The following PHF3 variants were observed in gnomAD, a reference collection of about 807,000 sequenced individuals.
PHF3 encodes the protein PHD finger protein 3.
Under a neutral mutation model 178.4 loss-of-function variants are expected in PHF3, and 41 were observed. The observed-to-expected ratio is 0.23, with a 90% CI of 0.18 to 0.30. PHF3 has a LOEUF of 0.30. Among genes scored for constraint, PHF3 ranks in the 10% least tolerant of loss-of-function variants. The pLI, the probability that PHF3 is intolerant of heterozygous loss-of-function variation, is 1.00. For synonymous variants in PHF3, 842 were observed against 800.5 expected (o/e 1.05, Z -0.88); for missense variants, 2,346 against 2,398.1 (o/e 0.98, Z 0.45).
rs1272680497 is a variant in PHF3 at position 63,725,123 on chromosome 6, A to G, written c.*11415A>G. On this transcript the variant is annotated 3_prime_UTR_variant, in exon 16 of 16. Coordinates refer to ENST00000262043, the MANE Select transcript of PHF3 (RefSeq NM_001370348.2). ...GAACTTATATTTTTAATATTTAAAA[A>G]TTTTCATGATTTTCTTATATAAGTG... is the stretch of plus-strand genomic sequence containing the variant. 6.6e-6 allele frequency among the ~76,000 whole-genome samples: 1 copy of G among 152,114 alleles called. No homozygotes were observed. The highest frequency in any genetic ancestry group is 1.5e-5 in the Non-Finnish European group (1 of 67,956).
intron 2 of PHF3, among the ~76,000 whole-genome samples, chr6:63,673,320 C>A (rs1466929543): frequency 2.0e-5 from 3 of 151,838 alleles, no homozygotes; most frequent in African/African-American, 7.3e-5. Flanking sequence ...TCCAGTGTTG[C>A]AGAAAAAATA....
chr6:63,647,100 A>G (rs928108045), intron 2 of PHF3, among the ~76,000 whole-genome samples: 3 of 151,892 alleles, frequency 2.0e-5, no homozygotes, highest in Non-Finnish European at 4.4e-5. Context: ...TACTTTAATA[A>G]TTACATCATG....
In PHF3 at chr6:63,724,296, T is replaced by A. The variant is rs943682651; in HGVS notation, c.*10588T>A. Among the ~76,000 whole-genome samples the A allele has an allele frequency of 6.6e-6, 1 of 152,202 alleles. No individual in the cohort carries two copies. Among genetic ancestry groups the A allele is most frequent in the Non-Finnish European group, 1.5e-5 (1 of 68,028 alleles). Reference sequence around the variant, plus strand: ...TCTGCTATCCCACCGTGCTTTATTATAGATAAGAGAAACCTTGTAGGACCT... The same window carrying A: ...TCTGCTATCCCACCGTGCTTTATTAAAGATAAGAGAAACCTTGTAGGACCT... On this transcript the variant is annotated 3_prime_UTR_variant, in exon 16 of 16. Transcript: ENST00000262043.
chr6:63,707,814 A>G (rs1233819131), intron 13 of PHF3, among the ~76,000 whole-genome samples: 1 of 150,830 alleles, frequency 6.6e-6, no homozygotes, highest in Non-Finnish European at 1.5e-5. Flanking sequence ...TGTTTATGTA[A>G]TATTGATCAG....
intron 2 of PHF3, among the ~76,000 whole-genome samples, chr6:63,665,403 G>A (rs766976776): frequency 6.6e-6 from 1 of 151,142 alleles, no homozygotes; most frequent in Non-Finnish European, 1.5e-5. Context: ...ATGAATTAAT[G>A]GATAATTTTT....
chr6:63,655,641 A>AT (rs1234540403), intron 2 of PHF3, among the ~76,000 whole-genome samples: 6 of 152,180 alleles, frequency 3.9e-5, no homozygotes, highest in African/African-American at 1.4e-4. Flanking sequence ...GGCTTTATGT[A>AT]TTTCATAGCT....
chr6:63,657,211 T>A (rs1414768989), intron 2 of PHF3, among the ~76,000 whole-genome samples: 2 of 152,234 alleles, frequency 1.3e-5, no homozygotes, highest in Admixed American at 6.5e-5. Context: ...TTGACAAATA[T>A]TTTACTGTTG....
intron 13 of PHF3, 60 bp from the exon 14 acceptor site, chr6:63,709,091 T>G (rs1186378933): frequency 1.2e-6 from 1 of 825,902 alleles, no homozygotes; most frequent in Non-Finnish European, 1.9e-6. Flanking sequence ...TATGAATTAC[T>G]AATGTCATAA....
chr6:63,706,871 A>G lies in PHF3; in HGVS notation c.3706A>G (p.Thr1236Ala). 1 of 1,613,678 alleles carries G rather than the reference A, an allele frequency of 6.2e-7. No individual in the cohort carries two copies. The highest frequency in any genetic ancestry group is 1.1e-5 in the South Asian group (1 of 90,958). ...AGTATCTGGCTCCCCAGAATACCTG[A>G]CAGAGGTACTGTGAACTTTTCTGCT... The part of the protein sequence containing the change: ...YPVSGSPEYL[T>A]EDLPDSIQVG... The change falls in exon 13 of 16, where the codon ACA becomes GCA. Residue 1236 changes from threonine (T) to alanine (A), a missense_variant. By Grantham distance (58) the Thr-to-Ala change is moderately conservative (BLOSUM62 0). This residue lies in a region of PHF3 where 205 missense variants were observed against 212.4 expected (regional missense o/e 0.97). Transcript: ENST00000262043.
intron 2 of PHF3, among the ~76,000 whole-genome samples, chr6:63,655,551 C>T (rs1765198083): frequency 6.6e-6 from 1 of 152,110 alleles, no homozygotes. Flanking sequence ...ACTAAATTAT[C>T]CATGAAACTG....
intron 2 of PHF3, among the ~76,000 whole-genome samples, chr6:63,665,468 G>T (rs1043161033): frequency 2.8e-5 from 4 of 143,274 alleles, no homozygotes; most frequent in Non-Finnish European, 6.1e-5. Context: ...TTACTGTTTC[G>T]CTTTGTGGTT....
Position 63,706,730 on chromosome 6 carries a change from C to A in PHF3, c.3565C>A (p.Pro1189Thr). The A allele has an allele frequency of 1.9e-6, 3 of 1,613,114 alleles. No homozygotes were observed. Among genetic ancestry groups the A allele is most frequent in the Non-Finnish European group, 2.5e-6 (3 of 1,179,480 alleles). The change falls in exon 13 of 16, where the codon CCA becomes ACA. Residue 1189 changes from proline (P) to threonine (T), a missense_variant and splice_region_variant. Coordinates refer to ENST00000262043, the MANE Select transcript of PHF3 (RefSeq NM_001370348.2). Reference protein sequence around the residue: ...PKSTFSPAPRPEMPGTVEVES... With the variant: ...PKSTFSPAPRTEMPGTVEVES... Reference sequence around the variant, plus strand: ...AGGCTTTTTAATGTCATTTTCTAGTCCAGAGATGCCTGGAACTGTTGAAGT... The same window carrying A: ...AGGCTTTTTAATGTCATTTTCTAGTACAGAGATGCCTGGAACTGTTGAAGT...
intron 3 of PHF3, among the ~76,000 whole-genome samples, chr6:63,681,590 T>G (rs912472675): frequency 6.6e-6 from 1 of 152,112 alleles, no homozygotes; most frequent in African/African-American, 2.4e-5. Context: ...TTAAATGTTC[T>G]TTTTGTTGTT....
Position 63,719,621 on chromosome 6 carries a change from T to C in PHF3, c.*5913T>C, listed in dbSNP as rs1768296885. ...TCAGTAACTGTTTTGGGAAAAATAATATTTTTTCAAGTTATGCTATCAACA... is the reference window on the plus strand; with the variant it reads ...TCAGTAACTGTTTTGGGAAAAATAACATTTTTTCAAGTTATGCTATCAACA... On this transcript the variant is annotated 3_prime_UTR_variant, in exon 16 of 16. Coordinates refer to ENST00000262043, the MANE Select transcript of PHF3 (RefSeq NM_001370348.2). 6.6e-6 allele frequency among the ~76,000 whole-genome samples: 1 copy of C among 152,126 alleles called. No homozygotes were observed.
chr6:63,685,562 G>A lies in PHF3; in HGVS notation c.1840G>A (p.Ala614Thr), dbSNP rs1258925520. ...PGCLKEPHHP[A>T]QTGHVSHSSQ... ...TTGCTTGAAAGAACCTCATCATCCT[G>A]CACAAACTGGACATGTATCACATTC... The change falls in exon 4 of 16, where the codon GCA becomes ACA. Residue 614 changes from alanine (A) to threonine (T), a missense_variant. Ala to Thr is a moderately conservative substitution (Grantham distance 58). This residue lies in a region of PHF3 where 843 missense variants were observed against 795.2 expected (regional missense o/e 1.06). Coordinates refer to ENST00000262043, the MANE Select transcript of PHF3 (RefSeq NM_001370348.2). 4 of 1,613,868 alleles carry A rather than the reference G, an allele frequency of 2.5e-6. No individual in the cohort carries two copies. Among genetic ancestry groups the A allele is most frequent in the Non-Finnish European group, 3.4e-6 (4 of 1,179,988 alleles).
In PHF3 at chr6:63,698,645, CCTGAGTACATAGGTAT is replaced by C. The variant is rs778155944; in HGVS notation, c.2982+43_2982+58del. On this transcript the variant is annotated intron_variant, in intron 8 of 15. Coordinates refer to ENST00000262043, the MANE Select transcript of PHF3 (RefSeq NM_001370348.2). ...TTCATATGTTTATGCTTCCAACTTT[CCTGAGTACATAGGTAT>C]CTCAGATTGTAATACAGTAGATCTA... The C allele has an allele frequency of 5.7e-6, 8 of 1,396,588 alleles. No homozygotes were observed. In the South Asian group the frequency reaches 1.2e-4, roughly 21 times the overall value. The allele number at this position is 1,396,588 out of a possible 1,614,324, so 86.5% of individuals were successfully genotyped here. A position where few individuals can be genotyped will look rare whatever the true frequency, so the allele number is the denominator to read the frequency against.
rs1034550496 is a variant in PHF3 at position 63,721,979 on chromosome 6, C to A, written c.*8271C>A. 6.6e-6 allele frequency among the ~76,000 whole-genome samples: 1 copy of A among 152,080 alleles called. No homozygotes were observed. The highest frequency in any genetic ancestry group is 1.5e-5 in the Non-Finnish European group (1 of 67,988). On this transcript the variant is annotated 3_prime_UTR_variant, in exon 16 of 16. Transcript: ENST00000262043. ...AAAATGCATATATCCTGTATTCTTT[C>A]ATTTTGTTCAGCAATTGGCTACATA...
At chr6:63,653,074 A>T (rs1317903850) in intron 2 of PHF3, among the ~76,000 whole-genome samples, 723 of 33,188 alleles carry the variant, frequency 0.022, no homozygotes, top group African/African-American at 0.033. Flanking sequence ...GGTTTTGGGG[A>T]TTTTTTTTTC....
At position 63,687,009 on chromosome 6, in the gene PHF3, G is replaced by A. The variant is rs145545690; in HGVS notation, c.2189+1098G>A. On this transcript the variant is annotated intron_variant, in intron 4 of 15. Transcript: ENST00000262043. ...ATCCAGCCCGTGGCCTATTTTTAGC[G>A]TCAAGGGTTAGTTTATAACAATATA... 1.6e-4 allele frequency among the ~76,000 whole-genome samples: 25 copies of A among 152,270 alleles called. No individual in the cohort carries two copies. The South Asian group carries it at 3.3e-3, about 20-fold the overall frequency.
Sources: allele counts gnomAD v4.1 joint callset (sites outside exome capture counted in the v4.1 genomes callset), GRCh38; gene constraint gnomAD v4.1.1; regional missense constraint gnomAD v4.1.1; transcripts MANE v1.5; gene names NCBI Gene and HGNC (gene_info 2026-07-23, HGNC 2026-07-21).